The following POU6F2 variants were observed in gnomAD, a reference collection of about 807,000 sequenced individuals.
The protein encoded by POU6F2 is POU class 6 homeobox 2, also known as POU domain, class 6, transcription factor 2.
A neutral mutation model predicts 71.3 loss-of-function variants in POU6F2; 31 were observed. The observed-to-expected ratio is 0.43, with a 90% CI of 0.33 to 0.59. POU6F2 has a LOEUF of 0.59. Among genes scored for constraint, POU6F2 ranks in the 20% least tolerant of loss-of-function variants. POU6F2 has a pLI of 0.04. For missense variants in POU6F2, 783 were observed against 856.8 expected (o/e 0.91, Z 1.07); for synonymous variants, 347 against 355.7 (o/e 0.98, Z 0.27).
In POU6F2 at chr7:39,464,240, G is replaced by A. The variant is rs1789016382; in HGVS notation, c.1717G>A (p.Ala573Thr). The A allele has an allele frequency of 6.2e-7, 1 of 1,613,936 alleles. No individual in the cohort carries two copies. Among genetic ancestry groups the A allele is most frequent in the Middle Eastern group, 1.6e-4 (1 of 6,062 alleles). The change falls in exon 10 of 10, where the codon GCT becomes ACT. Residue 573 changes from alanine (A) to threonine (T), a missense_variant. Coordinates refer to ENST00000518318, the MANE Select transcript of POU6F2 (RefSeq NM_001370959.1). This position sits in a 1 kb window ranked among gnomAD's most constrained non-coding sequence, Gnocchi z 4.1. ...ACAGGAAGCCCAAGAGAACACTATA[G>A]CTAGCAGTCTGACAGCCAAACTGAA... ...LPQEAQENTIASSLTAKLNPG... is the reference protein window; with the variant it reads ...LPQEAQENTITSSLTAKLNPG...
intron 1 of POU6F2, among the ~76,000 whole-genome samples, chr7:39,071,609 T>C (rs1447434061): frequency 2.1e-5 from 3 of 145,450 alleles, no homozygotes; most frequent in East Asian, 4.0e-4. Context: ...AACCCAGGAG[T>C]TCAAGACCAG....
intron 6 of POU6F2, among the ~76,000 whole-genome samples, chr7:39,414,600 A>T (rs1306132841): frequency 6.6e-6 from 1 of 152,138 alleles, no homozygotes; most frequent in Non-Finnish European, 1.5e-5. Flanking sequence ...GGGGCGGCCC[A>T]GCTGCGGACG....
intron 7 of POU6F2, among the ~76,000 whole-genome samples, chr7:39,446,940 T>A (rs180714669): frequency 1.8e-4 from 27 of 152,308 alleles, no homozygotes; most frequent in African/African-American, 6.3e-4. Flanking sequence ...GGCAGTCTAC[T>A]AACAGTAGGG....
At chr7:38,983,303 T>TAA (rs1788371227) in intron 1 of POU6F2, among the ~76,000 whole-genome samples, 1 of 152,106 alleles carries the variant, frequency 6.6e-6, no homozygotes, top group Admixed American at 6.6e-5. Flanking sequence ...GCTCTATATA[T>TAA]AATCTCAAAC....
chr7:39,200,373 T>G (rs867611139), intron 2 of POU6F2, among the ~76,000 whole-genome samples: 9 of 152,198 alleles, frequency 5.9e-5, no homozygotes, highest in African/African-American at 1.9e-4. Context: ...CAGGCCTGGG[T>G]GAAAACCACT....
chr7:39,426,339 C>G (rs563329537), intron 6 of POU6F2, among the ~76,000 whole-genome samples: 24 of 152,308 alleles, frequency 1.6e-4, no homozygotes, highest in Admixed American at 3.9e-4. Context: ...CCAGCTGCCC[C>G]TTTCCTGCTC....
At chr7:39,115,563 A>C (rs370980014) in intron 2 of POU6F2, among the ~76,000 whole-genome samples, 3 of 152,206 alleles carry the variant, frequency 2.0e-5, no homozygotes, top group African/African-American at 7.2e-5. Flanking sequence ...CTACATAAAG[A>C]CTTCTAGGAT....
chr7:39,146,822 G>A (rs1792635124), intron 2 of POU6F2, among the ~76,000 whole-genome samples: 1 of 152,186 alleles, frequency 6.6e-6, no homozygotes, highest in East Asian at 1.9e-4. Flanking sequence ...AGCGCACAGT[G>A]GACTCTTTAT....
At chr7:39,149,380 TTTG>T (rs1455547012) in intron 2 of POU6F2, among the ~76,000 whole-genome samples, 1 of 152,224 alleles carries the variant, frequency 6.6e-6, no homozygotes, top group African/African-American at 2.4e-5. Flanking sequence ...TTTTTATTTA[TTTG>T]TTAATTTTTA....
At chr7:39,140,323 C>A (rs1792469877) in intron 2 of POU6F2, among the ~76,000 whole-genome samples, 1 of 152,158 alleles carries the variant, frequency 6.6e-6, no homozygotes, top group East Asian at 1.9e-4. Context: ...AAAGTGGCAC[C>A]ATCTGTTTAG....
intron 2 of POU6F2, among the ~76,000 whole-genome samples, chr7:39,160,978 CT>C (rs1375439344): frequency 1.3e-5 from 2 of 152,114 alleles, no homozygotes; most frequent in African/African-American, 4.8e-5. Flanking sequence ...CCGTTGATAT[CT>C]TTCATTAGCC....
In POU6F2 at chr7:39,026,607, G is replaced by A. The variant is rs902272816; in HGVS notation, c.105+48549G>A. Among the ~76,000 whole-genome samples the A allele has an allele frequency of 7.9e-5, 12 of 152,162 alleles. No homozygotes were observed. The South Asian group carries it at 1.0e-3, about 13-fold the overall frequency. On this transcript the variant is annotated intron_variant, in intron 1 of 9. Coordinates refer to ENST00000518318, the MANE Select transcript of POU6F2 (RefSeq NM_001370959.1). Reference sequence around the variant, plus strand: ...ACACTCTGGGGACTGTTGTGGGGTGGGAGGAGTGGGGAGGGATAGCATTAG... The same window carrying A: ...ACACTCTGGGGACTGTTGTGGGGTGAGAGGAGTGGGGAGGGATAGCATTAG...
At position 39,207,473 on chromosome 7, in the gene POU6F2, C is replaced by A. The variant is rs755788423; in HGVS notation, c.451C>A (p.Leu151Ile). 5.6e-6 allele frequency: 9 copies of A among 1,613,908 alleles called. No homozygotes were observed. In the African/African-American group the frequency reaches 1.1e-4, roughly 19 times the overall value. The change falls in exon 4 of 10, where the codon CTC (leucine) becomes ATC (isoleucine). Residue 151 changes from leucine (L) to isoleucine (I), a missense_variant. Coordinates refer to ENST00000518318, the MANE Select transcript of POU6F2 (RefSeq NM_001370959.1). Reference sequence around the variant, plus strand: ...CCCCCCAGCCCTCAACCAGCCAATCCTCATTCCCTTCAACATGGCGGGACA... The same window carrying A: ...CCCCCCAGCCCTCAACCAGCCAATCATCATTCCCTTCAACATGGCGGGACA... ...GGPPALNQPI[L>I]IPFNMAGQLG...
chr7:39,022,101 T>C (rs1168546722), intron 1 of POU6F2, among the ~76,000 whole-genome samples: 1 of 152,042 alleles, frequency 6.6e-6, no homozygotes, highest in East Asian at 1.9e-4. Context: ...TCAGGGAAAA[T>C]ATCTTTTATT....
In POU6F2 at chr7:39,055,827, ATGT is replaced by A. The variant is rs550316973; in HGVS notation, c.106-30030_106-30028del. On this transcript the variant is annotated intron_variant, in intron 1 of 9. Transcript: ENST00000518318. ...CATCTGATAACATGACTGTGTCTTG[ATGT>A]TGAGCATTCTGTTTCAATTTTTTCT... Among the ~76,000 whole-genome samples, 25 of 152,136 alleles carry A rather than the reference ATGT, an allele frequency of 1.6e-4. No individual in the cohort carries two copies. In the South Asian group the frequency reaches 4.8e-3, roughly 29 times the overall value.
chr7:38,988,407 C>T (rs1788513143), intron 1 of POU6F2, among the ~76,000 whole-genome samples: 1 of 151,946 alleles, frequency 6.6e-6, no homozygotes, highest in Non-Finnish European at 1.5e-5. Context: ...CAATGTAACC[C>T]CTCCTGCCCC....
chr7:39,045,965 A>G (rs1790284305), intron 1 of POU6F2, among the ~76,000 whole-genome samples: 1 of 151,922 alleles, frequency 6.6e-6, no homozygotes, highest in Non-Finnish European at 1.5e-5. Flanking sequence ...TTTCTTGGGT[A>G]GATTCTTAGA....
chr7:39,228,687 T>C (rs192796899), intron 4 of POU6F2, among the ~76,000 whole-genome samples: 50 of 152,328 alleles, frequency 3.3e-4, no homozygotes, highest in African/African-American at 1.2e-3. Flanking sequence ...TGAAACAATA[T>C]ACTGGAGTAA....
chr7:39,213,864 C>T (rs964796426), intron 4 of POU6F2, among the ~76,000 whole-genome samples: 1 of 152,282 alleles, frequency 6.6e-6, no homozygotes, highest in Admixed American at 6.5e-5. Context: ...CCACTGTTCT[C>T]TTTGGCCCTT....
Sources: gnomAD v4.1 joint callset for allele counts (sites outside exome capture counted in the v4.1 genomes callset) on GRCh38, gnomAD v4.1.1 for gene constraint, Gnocchi (gnomAD v3.1) non-coding constraint, MANE v1.5 for transcripts, NCBI Gene and HGNC (gene_info 2026-07-23, HGNC 2026-07-21) for gene names.